KIF1C: variants seen among roughly 807,000 people sequenced by gnomAD.
KIF1C encodes the protein kinesin-like protein KIF1C.
In KIF1C, 61 loss-of-function variants were observed where a neutral mutation model predicts 126.5. That is an observed-to-expected ratio of 0.48 (90% CI 0.39 to 0.60). The LOEUF (loss-of-function observed/expected upper bound fraction) is 0.60. Ranked by LOEUF, KIF1C falls within the 20% of genes least tolerant of loss-of-function variation. KIF1C has a pLI of 0.00. For synonymous variants in KIF1C, 640 were observed against 580.6 expected (o/e 1.10, Z -1.47); for missense variants, 1,315 against 1,489.2 (o/e 0.88, Z 1.93).
rs1485258329 is a variant in KIF1C, at chr17:5,014,831, G to A, written c.1660G>A (p.Gly554Arg). The A allele has an allele frequency of 6.3e-7, 1 of 1,589,762 alleles. No individual in the cohort carries two copies. The highest frequency in any genetic ancestry group is 8.6e-7 in the Non-Finnish European group (1 of 1,168,146). ...CLFRSIPQPD[G>R]EVVVTLEPCE... Reference sequence around the variant, plus strand: ...GTTCCGGAGCATCCCCCAGCCAGATGGAGAAGGTAATGGCTGAGGGGGTGA... The same window carrying A: ...GTTCCGGAGCATCCCCCAGCCAGATAGAGAAGGTAATGGCTGAGGGGGTGA... The change falls in exon 18 of 23, where the codon GGA (glycine) becomes AGA (arginine). Residue 554 changes from glycine to arginine, a missense_variant. Around this residue, in one of 2 missense-constraint regions of KIF1C, gnomAD observed 874 missense variants for 1,053.2 expected, o/e 0.83. Transcript: ENST00000320785.
chr17:5,002,195 G>A, intron 6 of KIF1C, 71 bp downstream of exon 6: 1 of 1,402,560 alleles, frequency 7.1e-7, no homozygotes, highest in Non-Finnish European at 1.0e-6. Context: ...GAATCAGACA[G>A]CCTGGGATCT....
In KIF1C at chr17:5,002,642, G is replaced by A. The variant is rs755749267; in HGVS notation, c.608G>A (p.Arg203Gln). The A allele has an allele frequency of 6.8e-6, 11 of 1,611,678 alleles. No homozygotes were observed. The highest frequency in any genetic ancestry group is 2.2e-5 in the South Asian group (2 of 91,042). The change falls in exon 7 of 23, where the codon CGG becomes CAG. Residue 203 changes from arginine (R) to glutamine (Q), a missense_variant and splice_region_variant. Coordinates refer to ENST00000320785, the MANE Select transcript of KIF1C (RefSeq NM_006612.6). ...CTCATGGACTGTGGAAATAAAGCAC[G>A]GTGAGGCAGGCTGATGGAGCAGAGG... The part of the protein sequence containing the change: ...ADLMDCGNKA[R>Q]TVAATNMNET...
chr17:5,016,493 C>T (rs542847322), intron 18 of KIF1C, among the ~76,000 whole-genome samples: 129 of 151,954 alleles, frequency 8.5e-4, no homozygotes, highest in Non-Finnish European at 1.5e-3. Flanking sequence ...CCTTGTGATC[C>T]ACCTGCCTCG....
chr17:5,016,845 T>G (rs1974981566), intron 18 of KIF1C, among the ~76,000 whole-genome samples: 1 of 150,542 alleles, frequency 6.6e-6, no homozygotes, highest in South Asian at 2.1e-4. Flanking sequence ...AGTGGAGGTT[T>G]CAGTGAGCTG....
In KIF1C at chr17:5,024,482, A is replaced by G. The variant is rs1975171311; in HGVS notation, c.*331A>G. ...TAGCCAGTGTTTGACTTTCTTTTCAAGTGGGGGAAAGTGGGAGAGGACTGA... is the reference window on the plus strand; with the variant it reads ...TAGCCAGTGTTTGACTTTCTTTTCAGGTGGGGGAAAGTGGGAGAGGACTGA... On this transcript the variant is annotated 3_prime_UTR_variant, in exon 23 of 23. Coordinates refer to ENST00000320785, the MANE Select transcript of KIF1C (RefSeq NM_006612.6). 1 of 267,344 alleles carries G rather than the reference A, an allele frequency of 3.7e-6. No homozygotes were observed. The highest frequency in any genetic ancestry group is 5.2e-5 in the Admixed American group (1 of 19,364). The allele number at this position is 267,344 out of a possible 1,614,324, so 16.6% of individuals were successfully genotyped here.
intron 5 of KIF1C, among the ~76,000 whole-genome samples, chr17:5,001,705 TCTC>T (rs1974597554): frequency 6.6e-6 from 1 of 152,192 alleles, no homozygotes; most frequent in East Asian, 1.9e-4. Flanking sequence ...TGAGTATAGT[TCTC>T]CTGCAGGCTT....
Position 5,012,232 on chromosome 17 carries a change from A to G in KIF1C, c.1492-1421A>G, listed in dbSNP as rs1034313742. Among the ~76,000 whole-genome samples, 3 of 152,302 alleles carry G rather than the reference A, an allele frequency of 2.0e-5. No individual in the cohort carries two copies. The South Asian group carries it at 6.2e-4, about 32-fold the overall frequency. Reference sequence around the variant, plus strand: ...AGCGCTTCACCAGGGTGAGGTAGAAAGGCCACAGTCAGTCCTTCTGCAGCA... The same window carrying G: ...AGCGCTTCACCAGGGTGAGGTAGAAGGGCCACAGTCAGTCCTTCTGCAGCA... On this transcript the variant is annotated intron_variant, in intron 16 of 22. Transcript: ENST00000320785.
chr17:5,016,933 C>T (rs956900345), intron 18 of KIF1C, among the ~76,000 whole-genome samples: 3 of 151,412 alleles, frequency 2.0e-5, no homozygotes, highest in Non-Finnish European at 2.9e-5. Flanking sequence ...CATGCCTCTT[C>T]GGTTTCCATA....
intron 18 of KIF1C, among the ~76,000 whole-genome samples, chr17:5,018,981 C>T (rs1392241115): frequency 6.6e-6 from 1 of 152,098 alleles, no homozygotes; most frequent in African/African-American, 2.4e-5. Context: ...ACCCGCATCC[C>T]GTCCTGCTGT....
At chr17:5,007,698 C>G (rs928582149) in intron 16 of KIF1C, among the ~76,000 whole-genome samples, 156 bp downstream of exon 16, 52 of 152,140 alleles carry the variant, frequency 3.4e-4, no homozygotes, top group Admixed American at 2.6e-4. Flanking sequence ...GCCACCTCCT[C>G]TCCGTCTTGT....
chr17:4,998,022 G>A lies in KIF1C; in HGVS notation c.-283G>A, dbSNP rs888478764. 2 of 149,502 alleles carry A rather than the reference G, an allele frequency of 1.3e-5. No individual in the cohort carries two copies. The highest frequency in any genetic ancestry group is 4.9e-5 in the African/African-American group (2 of 41,104). 9.3% of individuals were successfully genotyped at this position (149,502 alleles called of 1,614,324 possible). A position where few individuals can be genotyped will look rare whatever the true frequency, so the allele number is the denominator to read the frequency against. Reference sequence around the variant, plus strand: ...GCCGCCCCCGGGGCGCGAGTCCGCCGCCCGCCGCCCGGGCACCCGGCGAGG... The same window carrying A: ...GCCGCCCCCGGGGCGCGAGTCCGCCACCCGCCGCCCGGGCACCCGGCGAGG... On this transcript the variant is annotated 5_prime_UTR_variant, in exon 1 of 23. Transcript: ENST00000320785.
intron 16 of KIF1C, among the ~76,000 whole-genome samples, chr17:5,010,415 C>T (rs1225398655): frequency 6.6e-6 from 1 of 152,114 alleles, no homozygotes; most frequent in African/African-American, 2.4e-5. Flanking sequence ...AGAGCAGATT[C>T]CTAGAAATGG....
chr17:5,009,760 C>G, intron 16 of KIF1C, among the ~76,000 whole-genome samples: 2 of 149,228 alleles, frequency 1.3e-5, no homozygotes, highest in South Asian at 2.2e-4. Flanking sequence ...TGCACTCCAG[C>G]CTGGGTGACA....
chr17:5,013,312 C>G (rs1567724864), intron 16 of KIF1C, among the ~76,000 whole-genome samples: 1 of 152,124 alleles, frequency 6.6e-6, no homozygotes, highest in East Asian at 1.9e-4. Context: ...GGTGAGGGAG[C>G]CTGGTGGGTC....
rs771894513 is a variant in KIF1C at position 5,001,450 on chromosome 17, G to T, written c.363+49G>T. 4 of 1,559,582 alleles carry T rather than the reference G, an allele frequency of 2.6e-6. No homozygotes were observed. The Admixed American group carries it at 7.0e-5, about 27-fold the overall frequency. Reference sequence around the variant, plus strand: ...AGCCAGGGCAGGAGCATCTTTAGCTGCCCTCTGAGGAAGGAAGGACTAGGG... The same window carrying T: ...AGCCAGGGCAGGAGCATCTTTAGCTTCCCTCTGAGGAAGGAAGGACTAGGG... On this transcript the variant is annotated intron_variant, in intron 5 of 22. Coordinates refer to ENST00000320785, the MANE Select transcript of KIF1C (RefSeq NM_006612.6).
In KIF1C at chr17:5,027,944, T is replaced by C. The variant is rs1975236174; in HGVS notation, c.*3793T>C. 6.6e-6 allele frequency: 1 copy of C among 152,166 alleles called. No homozygotes were observed. The highest frequency in any genetic ancestry group is 1.5e-5 in the Non-Finnish European group (1 of 68,042). The allele number at this position is 152,166 out of a possible 1,614,324, so 9.4% of individuals were successfully genotyped here. A position where few individuals can be genotyped will look rare whatever the true frequency, so the allele number is the denominator to read the frequency against. ...CTGTGATTGCACCACCAGGAGACCC[T>C]GTCTTAAAAATGTATATATAAAAAT... On this transcript the variant is annotated 3_prime_UTR_variant, in exon 23 of 23. Transcript: ENST00000320785.
chr17:5,004,028 C>G lies in KIF1C; in HGVS notation c.895C>G (p.Pro299Ala), dbSNP rs775821474. ...QSKKRKSDFIPYRDSVLTWLL... is the reference protein window; with the variant it reads ...QSKKRKSDFIAYRDSVLTWLL... ...AAAGAAGCGAAAGTCGGATTTTATC[C>G]CCTACAGGGACTCTGTGCTCACCTG... The change falls in exon 11 of 23, where the codon CCC becomes GCC. Residue 299 changes from proline (P) to alanine (A), a missense_variant. Pro to Ala is a conservative substitution (Grantham distance 27). Coordinates refer to ENST00000320785, the MANE Select transcript of KIF1C (RefSeq NM_006612.6). 1.5e-5 allele frequency: 24 copies of G among 1,613,922 alleles called. No homozygotes were observed. The African/African-American group carries it at 3.2e-4, about 22-fold the overall frequency.
rs535190367 is a variant in KIF1C, at chr17:5,001,308, C to A, written c.270C>A (p.Asn90Lys). The change falls in exon 5 of 23, where the codon AAC becomes AAA. Residue 90 changes from asparagine to lysine, a missense_variant. This residue lies in a region of KIF1C where 874 missense variants were observed against 1,053.2 expected (regional missense o/e 0.83). Coordinates refer to ENST00000320785, the MANE Select transcript of KIF1C (RefSeq NM_006612.6). ...EMLLHAFEGY[N>K]VCIFAYGQTG... is the part of the protein sequence containing the mutation. ...TGCTCCACGCCTTTGAAGGCTACAA[C>A]GTGTGCATCTTTGCCTATGGGCAGA... The A allele has an allele frequency of 6.2e-7, 1 of 1,614,156 alleles. No individual in the cohort carries two copies.
At chr17:5,000,047 CT>C in intron 2 of KIF1C, 77 bp downstream of exon 2, 1 of 583,634 alleles carries the variant, frequency 1.7e-6, no homozygotes, top group South Asian at 2.0e-5. Context: ...CTTTGGGAGT[CT>C]CTCAAGACAG....
Sources: allele counts gnomAD v4.1 joint callset (sites outside exome capture counted in the v4.1 genomes callset), GRCh38; gene constraint gnomAD v4.1.1; regional missense constraint gnomAD v4.1.1; transcripts MANE v1.5; gene names NCBI Gene and HGNC (gene_info 2026-07-23, HGNC 2026-07-21).